Variants in INTS4 observed in about 807,000 individuals in gnomAD.
INTS4 encodes MSTP093.
INTS4 carries 70 observed loss-of-function variants against 119.5 expected under a neutral mutation model. The ratio of observed to expected loss-of-function variants is 0.59; its 90% CI spans 0.48 to 0.71. The LOEUF is 0.71. Among genes scored for constraint, INTS4 ranks in the 30% least tolerant of loss-of-function variants. The probability of loss-of-function intolerance (pLI) is 0.00; values close to 1 mark genes in which losing one functional copy is unlikely to be tolerated. For missense variants in INTS4, 867 were observed against 1,173.2 expected (o/e 0.74, Z 3.81); for synonymous variants, 316 against 419.6 (o/e 0.75, Z 3.02).
Position 77,941,232 on chromosome 11 carries a change from C to T in INTS4, c.938G>A (p.Ser313Asn). 9 of 1,612,344 alleles carry T rather than the reference C, an allele frequency of 5.6e-6. No individual in the cohort carries two copies. Among genetic ancestry groups the T allele is most frequent in the Non-Finnish European group, 7.6e-6 (9 of 1,179,500 alleles). The change falls in exon 9 of 23, where the codon AGT (serine) becomes AAT (asparagine). Residue 313 changes from serine to asparagine, a missense_variant. Ser to Asn is a conservative substitution (Grantham distance 46, BLOSUM62 1). Around this residue, in one of 5 missense-constraint regions of INTS4, gnomAD observed 208 missense variants for 306.6 expected, o/e 0.68. Transcript: ENST00000534064. ...AAGGGTCTGCTCCAAGAAATGAGAA[C>T]TGACTTGCTCCATAGAGCCCTATAA... ...AKLLGSMEQV[S>N]SHFLEQTLDK...
At chr11:77,952,458 G>A (rs993208944) in intron 8 of INTS4, among the ~76,000 whole-genome samples, 2 of 152,144 alleles carry the variant, frequency 1.3e-5, no homozygotes, top group Non-Finnish European at 2.9e-5. Context: ...AATGAGTTAG[G>A]CATGTGTGCT....
At chr11:77,934,437 A>T (rs901595222) in intron 10 of INTS4, among the ~76,000 whole-genome samples, 6 of 151,164 alleles carry the variant, frequency 4.0e-5, no homozygotes, top group African/African-American at 1.5e-4. Flanking sequence ...CTAGATCTGC[A>T]CATTTCTAAA....
At chr11:77,964,179 T>C (rs1591116991) in intron 4 of INTS4, among the ~76,000 whole-genome samples, 1 of 152,102 alleles carries the variant, frequency 6.6e-6, no homozygotes, top group East Asian at 1.9e-4. Flanking sequence ...GTGAAATGAT[T>C]AAGGAGAGGA....
chr11:77,933,222 C>T (rs1008967894), intron 10 of INTS4, among the ~76,000 whole-genome samples: 1 of 151,926 alleles, frequency 6.6e-6, no homozygotes, highest in Admixed American at 6.6e-5. Context: ...ATCCCCCTCT[C>T]CCCACAGTCT....
chr11:77,957,781 G>A (rs2136574346), intron 7 of INTS4, among the ~76,000 whole-genome samples: 1 of 146,478 alleles, frequency 6.8e-6, no homozygotes, highest in African/African-American at 2.5e-5. Flanking sequence ...CGATTCTCCT[G>A]CCTCAGCCTC....
intron 15 of INTS4, among the ~76,000 whole-genome samples, chr11:77,909,718 A>G (rs976707206): frequency 1.2e-4 from 19 of 152,260 alleles, no homozygotes; most frequent in Non-Finnish European, 1.2e-4. Flanking sequence ...ACCATATGAA[A>G]ACATATCTGC....
At chr11:77,940,437 AAAG>A (rs1187616492) in intron 9 of INTS4, among the ~76,000 whole-genome samples, 1 of 152,154 alleles carries the variant, frequency 6.6e-6, no homozygotes, top group Non-Finnish European at 1.5e-5. Context: ...TTTCAAAAAA[AAAG>A]AAGAAAAAAT....
intron 10 of INTS4, among the ~76,000 whole-genome samples, chr11:77,929,199 T>C (rs922648864): frequency 3.3e-5 from 5 of 152,092 alleles, no homozygotes; most frequent in African/African-American, 9.7e-5. Context: ...ATATATAAAG[T>C]AACTCATATC....
intron 3 of INTS4, among the ~76,000 whole-genome samples, chr11:77,980,382 TTTTAA>T (rs1202889274): frequency 1.3e-5 from 2 of 148,854 alleles, no homozygotes; most frequent in African/African-American, 4.9e-5. Flanking sequence ...TATTTTTTTA[TTTTAA>T]TTTATTTTTT....
At chr11:77,968,794 A>G (rs1462904997) in intron 4 of INTS4, among the ~76,000 whole-genome samples, 3 of 152,198 alleles carry the variant, frequency 2.0e-5, no homozygotes. Context: ...TATCCTTGGT[A>G]TATATCCAAG....
At chr11:77,984,888 G>C (rs188892734) in intron 2 of INTS4, among the ~76,000 whole-genome samples, 4 of 129,984 alleles carry the variant, frequency 3.1e-5, no homozygotes, top group Admixed American at 2.7e-4. Flanking sequence ...GGGAAAAAAG[G>C]GGGGGAAAAG....
intron 15 of INTS4, among the ~76,000 whole-genome samples, chr11:77,914,624 C>G (rs1790238): frequency 0.39 from 58,910 of 152,014 alleles, 11,614 homozygotes; most frequent in African/African-American, 0.43. Context: ...AATATGTTAG[C>G]TTTTACAGGC....
chr11:77,905,239 C>T (rs1952910166), intron 16 of INTS4, among the ~76,000 whole-genome samples: 1 of 151,968 alleles, frequency 6.6e-6, no homozygotes, highest in South Asian at 2.1e-4. Flanking sequence ...GGTGGATGAC[C>T]TGAGGTCAGG....
chr11:77,960,944 C>T lies in INTS4; in HGVS notation c.657+9G>A, dbSNP rs1231190267. On this transcript the variant is annotated intron_variant, in intron 5 of 22. Coordinates refer to ENST00000534064, the MANE Select transcript of INTS4 (RefSeq NM_033547.4). ...ACTAGCCCCAACTAGTTTCCATAATCACATTTACCATGGCTTTTATAGCTG... is the reference window on the plus strand; with the variant it reads ...ACTAGCCCCAACTAGTTTCCATAATTACATTTACCATGGCTTTTATAGCTG... The T allele has an allele frequency of 7.6e-6, 12 of 1,584,222 alleles. No homozygotes were observed. Among genetic ancestry groups the T allele is most frequent in the Non-Finnish European group, 8.6e-6 (10 of 1,166,218 alleles).
At chr11:77,964,666 T>C (rs1036022406) in intron 4 of INTS4, among the ~76,000 whole-genome samples, 2 of 150,492 alleles carry the variant, frequency 1.3e-5, no homozygotes, top group Non-Finnish European at 2.9e-5. Flanking sequence ...TACTATTACA[T>C]AGTAAATAAA....
At chr11:77,992,258 G>T (rs1259176303) in intron 1 of INTS4, among the ~76,000 whole-genome samples, 2 of 151,546 alleles carry the variant, frequency 1.3e-5, no homozygotes, top group Non-Finnish European at 2.9e-5. Flanking sequence ...ATTAGCTGGG[G>T]GTGGTGGTGT....
rs566245721 is a variant in INTS4, at chr11:77,900,362, G to A, written c.2228+1059C>T. On this transcript the variant is annotated intron_variant, in intron 18 of 22. Transcript: ENST00000534064. ...GATCTGCCCACCTTGGCCTCCCAAA[G>A]TGCTGGGATTACAGGTGTGAGCCAC... 7.2e-5 allele frequency among the ~76,000 whole-genome samples: 11 copies of A among 152,300 alleles called. No homozygotes were observed. The South Asian group carries it at 1.0e-3, about 14-fold the overall frequency.
chr11:77,902,346 A>T (rs1952803089), intron 17 of INTS4, among the ~76,000 whole-genome samples: 1 of 152,110 alleles, frequency 6.6e-6, no homozygotes, highest in African/African-American at 2.4e-5. Flanking sequence ...TTTTCCTTCC[A>T]AATTATTGCT....
chr11:77,889,447 G>A (rs1472508076), intron 21 of INTS4, among the ~76,000 whole-genome samples: 4 of 151,988 alleles, frequency 2.6e-5, no homozygotes, highest in Non-Finnish European at 5.9e-5. Context: ...CCTAATGCTA[G>A]ATGACGAGTT....
Sources: allele counts gnomAD v4.1 joint callset (sites outside exome capture counted in the v4.1 genomes callset), GRCh38; gene constraint gnomAD v4.1.1; regional missense constraint gnomAD v4.1.1; transcripts MANE v1.5; gene names NCBI Gene and HGNC (gene_info 2026-07-23, HGNC 2026-07-21).